The following TMTC2 variants were observed in gnomAD, a reference collection of about 807,000 sequenced individuals.
TMTC2 encodes the protein protein O-mannosyl-transferase TMTC2.
In TMTC2, 43 loss-of-function variants were observed where a neutral mutation model predicts 82.4. The observed-to-expected ratio is 0.52, with a 90% CI of 0.41 to 0.67. The LOEUF (loss-of-function observed/expected upper bound fraction) is 0.67. Ranked by LOEUF, TMTC2 falls within the 30% of genes least tolerant of loss-of-function variation. The pLI, the probability that TMTC2 is intolerant of heterozygous loss-of-function variation, is 0.00. For synonymous variants in TMTC2, 408 were observed against 381.9 expected, an observed-to-expected ratio of 1.07 and a Z score of -0.80; for missense variants, 919 against 1,012.4, an observed-to-expected ratio of 0.91 and a Z score of 1.25.
intron 11 of TMTC2, among the ~76,000 whole-genome samples, chr12:83,117,562 AT>A (rs1884802785): frequency 6.6e-6 from 1 of 152,124 alleles, no homozygotes; most frequent in Admixed American, 6.5e-5. Context: ...CTATGGCCTT[AT>A]AGTGTAGTTT....
chr12:82,842,191 C>T (rs1344114028), intron 1 of TMTC2, among the ~76,000 whole-genome samples: 1 of 152,196 alleles, frequency 6.6e-6, no homozygotes, highest in Non-Finnish European at 1.5e-5. Context: ...ACCCCTCCAA[C>T]TTCAGTTTTC....
intron 2 of TMTC2, among the ~76,000 whole-genome samples, chr12:82,895,196 C>T (rs942594644): frequency 1.3e-5 from 2 of 151,906 alleles, no homozygotes; most frequent in African/African-American, 4.8e-5. Flanking sequence ...GTGTTGGATG[C>T]CACTGATATC....
At chr12:82,856,941 T>TTG (rs1871283417) in intron 1 of TMTC2, 69 bp from the exon 2 acceptor site, 48 of 1,432,300 alleles carry the variant, frequency 3.4e-5, no homozygotes, top group Non-Finnish European at 4.5e-5. Flanking sequence ...GGCAGTATCT[T>TTG]ATCAATGTCA....
rs544522111 is a variant in TMTC2 at position 82,798,807 on chromosome 12, CA to C, written c.84-58187del. 9.2e-3 allele frequency among the ~76,000 whole-genome samples: 814 copies of C among 88,330 alleles called. 6 individuals are homozygous for C. The highest frequency in any genetic ancestry group is 0.012 in the Non-Finnish European group (543 of 44,368). 57.9% of individuals were successfully genotyped at this position (88,330 alleles called of 152,430 possible). On this transcript the variant is annotated intron_variant, in intron 1 of 11. Coordinates refer to ENST00000321196, the MANE Select transcript of TMTC2 (RefSeq NM_152588.3). ...GGGCAACAAGAGGGTAACTCCGTCT[CA>C]AAAAAAAAAAAAAAAGGATGTAAAG...
In TMTC2 at chr12:82,732,559, G is replaced by T. The variant is rs1255333374; in HGVS notation, c.83+44890G>T. Among the ~76,000 whole-genome samples, 8 of 152,166 alleles carry T rather than the reference G, an allele frequency of 5.3e-5. No individual in the cohort carries two copies. In the East Asian group the frequency reaches 1.5e-3, roughly 29 times the overall value. Reference sequence around the variant, plus strand: ...GGGGTTTCACCGTGTTAGCCAGGATGGTCTCGATCTCCTGACCTTGTGATC... The same window carrying T: ...GGGGTTTCACCGTGTTAGCCAGGATTGTCTCGATCTCCTGACCTTGTGATC... On this transcript the variant is annotated intron_variant, in intron 1 of 11. Coordinates refer to ENST00000321196, the MANE Select transcript of TMTC2 (RefSeq NM_152588.3).
chr12:82,847,770 G>A (rs1012579229), intron 1 of TMTC2, among the ~76,000 whole-genome samples: 2 of 151,780 alleles, frequency 1.3e-5, no homozygotes, highest in Non-Finnish European at 2.9e-5. Context: ...ACAGGGCAGG[G>A]AACATTACAC....
chr12:82,777,448 G>A (rs1877658411), intron 1 of TMTC2, among the ~76,000 whole-genome samples: 1 of 151,964 alleles, frequency 6.6e-6, no homozygotes, highest in Admixed American at 6.6e-5. Context: ...TTTCCATATT[G>A]TTTAATTTCT....
At chr12:82,963,084 C>A (rs991354491) in intron 4 of TMTC2, among the ~76,000 whole-genome samples, 1 of 151,860 alleles carries the variant, frequency 6.6e-6, no homozygotes, top group Non-Finnish European at 1.5e-5. Context: ...CAGGGGAATT[C>A]TGGGAAGAGA....
At chr12:82,842,012 T>C (rs538376165) in intron 1 of TMTC2, among the ~76,000 whole-genome samples, 1 of 152,318 alleles carries the variant, frequency 6.6e-6, no homozygotes, top group Non-Finnish European at 1.5e-5. Context: ...AATGCAATAA[T>C]AGACTGGGAT....
chr12:82,708,514 G>T (rs907799622), intron 1 of TMTC2, among the ~76,000 whole-genome samples: 1 of 152,136 alleles, frequency 6.6e-6, no homozygotes, highest in Non-Finnish European at 1.5e-5. Context: ...TACTATAATC[G>T]TTACAGGTTT....
At chr12:82,703,701 A>G (rs1270004655) in intron 1 of TMTC2, among the ~76,000 whole-genome samples, 1 of 151,940 alleles carries the variant, frequency 6.6e-6, no homozygotes, top group Admixed American at 6.6e-5. Flanking sequence ...GGGTTTCACC[A>G]TGGTCTCGAT....
chr12:82,864,816 T>C (rs1258429523), intron 2 of TMTC2, among the ~76,000 whole-genome samples: 1 of 151,884 alleles, frequency 6.6e-6, no homozygotes, highest in African/African-American at 2.4e-5. Flanking sequence ...TTTTTATCAT[T>C]AAATAAAAAA....
chr12:82,946,656 C>T (rs1877009819), intron 4 of TMTC2, among the ~76,000 whole-genome samples: 1 of 152,090 alleles, frequency 6.6e-6, no homozygotes, highest in Non-Finnish European at 1.5e-5. Flanking sequence ...TGTCCAACAG[C>T]CATCTAGCAA....
At chr12:82,935,270 A>G (rs1286975487) in intron 4 of TMTC2, among the ~76,000 whole-genome samples, 2 of 152,172 alleles carry the variant, frequency 1.3e-5, no homozygotes, top group Non-Finnish European at 2.9e-5. Context: ...CAATAGTTAT[A>G]TAATATGAAA....
intron 7 of TMTC2, among the ~76,000 whole-genome samples, chr12:82,967,694 G>A (rs1345514777): frequency 6.6e-6 from 1 of 151,980 alleles, no homozygotes; most frequent in African/African-American, 2.4e-5. Context: ...CCTAAAGTAA[G>A]GTGGCCTAAT....
chr12:83,015,541 G>A (rs189657941), intron 8 of TMTC2, among the ~76,000 whole-genome samples: 1 of 152,322 alleles, frequency 6.6e-6, no homozygotes, highest in African/African-American at 2.4e-5. Flanking sequence ...AAGGTCAAGA[G>A]TGTCTTTGAT....
At chr12:82,846,183 A>AC (rs1870662756) in intron 1 of TMTC2, among the ~76,000 whole-genome samples, 1 of 151,896 alleles carries the variant, frequency 6.6e-6, no homozygotes, top group Non-Finnish European at 1.5e-5. Context: ...ACATGGTGAA[A>AC]CCCCATCTCT....
At chr12:82,876,037 T>TGGTGGTGGTGGTGGTGGTGGC (rs1565788606) in intron 2 of TMTC2, among the ~76,000 whole-genome samples, 19 of 97,196 alleles carry the variant, frequency 2.0e-4, no homozygotes, top group African/African-American at 7.6e-4. Context: ...GCGGTGGTGG[T>TGGTGGTGGTGGTGGTGGTGGC]GGTGGTGGTG....
chr12:83,014,602 G>T (rs61929870), intron 8 of TMTC2, among the ~76,000 whole-genome samples: 4,544 of 152,216 alleles, frequency 0.03, 107 homozygotes, highest in Non-Finnish European at 0.048. Context: ...GCCTCCCAAA[G>T]TTCTGGGATT....
Sources: gnomAD v4.1 joint callset for allele counts (sites outside exome capture counted in the v4.1 genomes callset) on GRCh38, gnomAD v4.1.1 for gene constraint, MANE v1.5 for transcripts, NCBI Gene and HGNC (gene_info 2026-07-23, HGNC 2026-07-21) for gene names.